DPYD: variants seen among roughly 807,000 people sequenced by gnomAD.
DPYD encodes dihydropyrimidine dehydrogenase, also known as dihydropyrimidine dehydrogenase [NADP(+)].
A neutral mutation model predicts 116.2 loss-of-function variants in DPYD; 109 were observed. The ratio of observed to expected loss-of-function variants is 0.94; its 90% CI spans 0.80 to 1.10. DPYD has a LOEUF of 1.10. Among genes scored for constraint, DPYD ranks in the 50% least tolerant of loss-of-function variants. DPYD has a pLI of 0.00. For synonymous variants in DPYD, 440 were observed against 432.0 expected, an observed-to-expected ratio of 1.02 and a Z score of -0.23; for missense variants, 1,302 against 1,254.5, an observed-to-expected ratio of 1.04 and a Z score of -0.57.
chr1:97,519,098 A>G (rs1395917709), intron 12 of DPYD, among the ~76,000 whole-genome samples: 3 of 152,098 alleles, frequency 2.0e-5, no homozygotes, highest in Non-Finnish European at 4.4e-5. Context: ...GTTAATTGAG[A>G]TAGATTTGAA....
chr1:97,868,308 A>G (rs1005824963), intron 2 of DPYD, among the ~76,000 whole-genome samples: 2 of 151,740 alleles, frequency 1.3e-5, no homozygotes, highest in African/African-American at 2.4e-5. Context: ...AGTAGGCCAT[A>G]AAGGAAGGGT....
chr1:97,266,267 A>G (rs1176594093), intron 18 of DPYD, among the ~76,000 whole-genome samples: 2 of 152,200 alleles, frequency 1.3e-5, no homozygotes, highest in Non-Finnish European at 2.9e-5. Context: ...TAGCATATCA[A>G]GGGAGAATAC....
chr1:97,232,475 T>G (rs1021232220), intron 19 of DPYD, among the ~76,000 whole-genome samples: 4 of 152,114 alleles, frequency 2.6e-5, no homozygotes, highest in Non-Finnish European at 5.9e-5. Context: ...TAGCCATTAT[T>G]TTTTTTCCAT....
At chr1:97,695,778 T>C (rs903918510) in intron 6 of DPYD, among the ~76,000 whole-genome samples, 8 of 151,818 alleles carry the variant, frequency 5.3e-5, no homozygotes, top group Admixed American at 6.6e-5. Context: ...AAGAATGAAT[T>C]TGAAAAAACA....
At chr1:97,366,867 C>G (rs1209688857) in intron 16 of DPYD, among the ~76,000 whole-genome samples, 1 of 152,124 alleles carries the variant, frequency 6.6e-6, no homozygotes, top group Non-Finnish European at 1.5e-5. Flanking sequence ...CTCCCACATT[C>G]TTTTCTCTAA....
At chr1:97,355,094 T>A (rs1438653636) in intron 16 of DPYD, among the ~76,000 whole-genome samples, 1 of 152,208 alleles carries the variant, frequency 6.6e-6, no homozygotes, top group African/African-American at 2.4e-5. Context: ...TTTTGGGATA[T>A]ATTTACATCA....
intron 19 of DPYD, among the ~76,000 whole-genome samples, chr1:97,214,798 A>G (rs1660266031): frequency 6.6e-6 from 1 of 152,210 alleles, no homozygotes; most frequent in South Asian, 2.1e-4. Flanking sequence ...AAGCTTGTGA[A>G]GCAGTGGCTA....
At chr1:97,338,208 A>G (rs1669403328) in intron 16 of DPYD, among the ~76,000 whole-genome samples, 1 of 152,172 alleles carries the variant, frequency 6.6e-6, no homozygotes, top group Non-Finnish European at 1.5e-5. Flanking sequence ...TAAGCAAAAT[A>G]AAGGTGAAAA....
chr1:97,209,036 T>C (rs1030408541), intron 19 of DPYD, among the ~76,000 whole-genome samples: 2 of 152,146 alleles, frequency 1.3e-5, no homozygotes, highest in Non-Finnish European at 2.9e-5. Flanking sequence ...AAAATGATCA[T>C]ATCTTTGTTG....
At chr1:97,746,637 A>G (rs1664571855) in intron 3 of DPYD, among the ~76,000 whole-genome samples, 1 of 152,164 alleles carries the variant, frequency 6.6e-6, no homozygotes, top group African/African-American at 2.4e-5. Flanking sequence ...GTGGTGGAAT[A>G]CGAAAGACGT....
At chr1:97,793,273 A>T (rs1667404852) in intron 3 of DPYD, among the ~76,000 whole-genome samples, 1 of 152,244 alleles carries the variant, frequency 6.6e-6, no homozygotes, top group Non-Finnish European at 1.5e-5. Flanking sequence ...AATTTTGTTA[A>T]GATGGTGATT....
intron 21 of DPYD, among the ~76,000 whole-genome samples, chr1:97,091,107 A>G (rs1353259337): frequency 6.6e-6 from 1 of 152,180 alleles, no homozygotes; most frequent in Non-Finnish European, 1.5e-5. Context: ...TGAATGCATG[A>G]CTGAAAAACT....
chr1:97,632,753 G>A (rs1657345510), intron 8 of DPYD, among the ~76,000 whole-genome samples: 1 of 152,008 alleles, frequency 6.6e-6, no homozygotes, highest in Non-Finnish European at 1.5e-5. Context: ...ATGGTCTCAG[G>A]ATTTTTAATA....
chr1:97,835,105 T>A (rs947473938), intron 2 of DPYD, among the ~76,000 whole-genome samples: 2 of 152,060 alleles, frequency 1.3e-5, no homozygotes, highest in African/African-American at 4.8e-5. Flanking sequence ...TCAGGCCCTG[T>A]CTAGGAGAAT....
chr1:97,260,691 A>T (rs994049124), intron 18 of DPYD, among the ~76,000 whole-genome samples: 1 of 152,146 alleles, frequency 6.6e-6, no homozygotes, highest in African/African-American at 2.4e-5. Context: ...AAACAAAAGG[A>T]CACATGGTGA....
intron 3 of DPYD, among the ~76,000 whole-genome samples, chr1:97,782,750 T>C (rs902339065): frequency 1.3e-5 from 2 of 152,242 alleles, no homozygotes; most frequent in South Asian, 2.1e-4. Flanking sequence ...TAATCAAATG[T>C]CTTAAATCAT....
chr1:97,137,178 AT>A (rs1164827314), intron 20 of DPYD, among the ~76,000 whole-genome samples: 1 of 152,202 alleles, frequency 6.6e-6, no homozygotes, highest in Non-Finnish European at 1.5e-5. Context: ...AATGCTAAGA[AT>A]ACAGTGTCTT....
chr1:97,092,103 A>C (rs1049096242), intron 21 of DPYD, among the ~76,000 whole-genome samples: 121 of 152,156 alleles, frequency 8.0e-4, no homozygotes, highest in African/African-American at 2.8e-3. Flanking sequence ...AGTAATTTTT[A>C]TTCTCCTAAG....
intron 3 of DPYD, among the ~76,000 whole-genome samples, chr1:97,799,215 T>C (rs965591289): frequency 6.6e-5 from 10 of 151,980 alleles, no homozygotes; most frequent in African/African-American, 2.4e-4. Flanking sequence ...ACACCTCCTC[T>C]AGCCCTATAG....
Sources: allele counts gnomAD v4.1 joint callset (sites outside exome capture counted in the v4.1 genomes callset), GRCh38; gene constraint gnomAD v4.1.1; transcripts MANE v1.5; gene names NCBI Gene and HGNC (gene_info 2026-07-23, HGNC 2026-07-21).